Variants in CRADD observed in about 807,000 individuals in gnomAD.
CRADD encodes death domain-containing protein CRADD.
CRADD carries 9 observed loss-of-function variants against 15.5 expected under a neutral mutation model. The observed-to-expected ratio is 0.58, with a 90% CI of 0.35 to 1.01. CRADD has a LOEUF of 1.01. Among genes scored for constraint, CRADD ranks in the 50% least tolerant of loss-of-function variants. The pLI is 0.02. For synonymous variants in CRADD, 118 were observed against 107.6 expected (o/e 1.10, Z -0.60); for missense variants, 227 against 250.3 (o/e 0.91, Z 0.63).
In CRADD at chr12:93,722,473, C is replaced by A. The variant is rs181864057; in HGVS notation, c.298+43401C>A. ...TCTCCATCTAGTATTTCCACTATACCTATGTTAAACCTTGTATACTTGTCC... is the reference window on the plus strand; with the variant it reads ...TCTCCATCTAGTATTTCCACTATACATATGTTAAACCTTGTATACTTGTCC... On this transcript the variant is annotated intron_variant, in intron 2 of 2. Coordinates refer to ENST00000332896, the MANE Select transcript of CRADD (RefSeq NM_003805.5). Among the ~76,000 whole-genome samples the A allele has an allele frequency of 8.4e-4, 128 of 151,784 alleles. 1 individual carries two copies. Among genetic ancestry groups the A allele is most frequent in the African/African-American group, 2.6e-3 (109 of 41,374 alleles).
intron 2 of CRADD, among the ~76,000 whole-genome samples, chr12:93,689,331 G>A (rs1955512549): frequency 6.6e-6 from 1 of 152,116 alleles, no homozygotes; most frequent in Non-Finnish European, 1.5e-5. Flanking sequence ...TGCTGTTATA[G>A]CTAGCTGTGG....
At chr12:93,709,056 G>A (rs1165916518) in intron 2 of CRADD, 3 of 152,254 alleles carry the variant, frequency 2.0e-5, no homozygotes, top group Non-Finnish European at 4.4e-5. Flanking sequence ...ATTTAGCAAA[G>A]TGGAGAATAG....
Position 93,850,013 on chromosome 12 carries a change from C to T in CRADD, c.342C>T (p.Ser114=), listed in dbSNP as rs184285624. The change falls in exon 3 of 3, where the codon TCC becomes TCT. Residue 114 remains serine, a synonymous_variant. Coordinates refer to ENST00000332896, the MANE Select transcript of CRADD (RefSeq NM_003805.5). The surrounding 1 kb of genome is among the most constrained non-coding windows in gnomAD (Gnocchi z 4.0). ...TCCCCTCGCACATCCTCAACAGCTC[C>T]CCATCAGACCGGCAGATTAACCAGC... ...TGIPSHILNS[S]PSDRQINQLA... The T allele has an allele frequency of 1.0e-4, 162 of 1,611,618 alleles. 2 individuals are homozygous for T. In the East Asian group the frequency reaches 3.5e-3, roughly 35 times the overall value.
chr12:93,840,126 CT>C (rs1240456859), intron 2 of CRADD, among the ~76,000 whole-genome samples: 3 of 152,192 alleles, frequency 2.0e-5, no homozygotes, highest in Non-Finnish European at 4.4e-5. Flanking sequence ...AAAGCCTCTT[CT>C]TTCCCCATTA....
At chr12:93,887,654 A>T (rs557790555) in intron 2 of CRADD, among the ~76,000 whole-genome samples, 331 of 152,236 alleles carry the variant, frequency 2.2e-3, no homozygotes, top group Non-Finnish European at 3.9e-3. Context: ...TAGCAAGCAC[A>T]CTCTTTCCTA....
intron 2 of CRADD, among the ~76,000 whole-genome samples, chr12:93,865,713 T>C (rs756199397): frequency 3.3e-5 from 5 of 152,252 alleles, no homozygotes; most frequent in Admixed American, 6.5e-5. Flanking sequence ...TCCTCCTGTA[T>C]ACTTTAAATC....
chr12:93,700,087 A>T (rs1955807996), intron 2 of CRADD, among the ~76,000 whole-genome samples: 1 of 152,110 alleles, frequency 6.6e-6, no homozygotes, highest in Admixed American at 6.5e-5. Flanking sequence ...GATGGAGGAG[A>T]CGCCAAGTAC....
chr12:93,853,992 T>C (rs1266549019), downstream of CRADD, among the ~76,000 whole-genome samples: 1 of 152,240 alleles, frequency 6.6e-6, no homozygotes, highest in African/African-American at 2.4e-5. Flanking sequence ...ACATTCATCA[T>C]ATGTTACAAT....
chr12:93,841,988 C>T (rs1329946152), intron 2 of CRADD, among the ~76,000 whole-genome samples: 5 of 152,118 alleles, frequency 3.3e-5, no homozygotes, highest in African/African-American at 4.8e-5. Context: ...ACCCAGTCAC[C>T]GTCGTAAATA....
chr12:93,753,763 C>G (rs571430715), intron 2 of CRADD, among the ~76,000 whole-genome samples: 1 of 152,372 alleles, frequency 6.6e-6, no homozygotes, highest in African/African-American at 2.4e-5. Context: ...TTGGGCAGCT[C>G]TGCCTCTGTG....
intron 2 of CRADD, among the ~76,000 whole-genome samples, chr12:93,834,135 C>CA (rs1207784574): frequency 2.0e-5 from 3 of 152,222 alleles, no homozygotes; most frequent in Non-Finnish European, 4.4e-5. Context: ...CCCTTACCCC[C>CA]ATGGGCCTGC....
At chr12:93,808,197 C>G (rs1957568154) in intron 2 of CRADD, among the ~76,000 whole-genome samples, 1 of 151,808 alleles carries the variant, frequency 6.6e-6, no homozygotes, top group South Asian at 2.1e-4. Context: ...ACAGCCTGTT[C>G]TCATGCTGCT....
chr12:93,853,656 A>AT (rs1446924918), downstream of CRADD, among the ~76,000 whole-genome samples: 1 of 152,058 alleles, frequency 6.6e-6, no homozygotes, highest in Non-Finnish European at 1.5e-5. Flanking sequence ...TTATTCTGAG[A>AT]TTTTATCTCT....
At chr12:93,890,012 T>C (rs139871020) in intron 2 of CRADD, among the ~76,000 whole-genome samples, 189 of 152,304 alleles carry the variant, frequency 1.2e-3, no homozygotes, top group African/African-American at 4.2e-3. Context: ...CCTCACCCCA[T>C]ACATACTCAG....
At chr12:93,695,922 G>C (rs1305238049) in intron 2 of CRADD, among the ~76,000 whole-genome samples, 1 of 152,024 alleles carries the variant, frequency 6.6e-6, no homozygotes, top group African/African-American at 2.4e-5. Flanking sequence ...AAATAAATGG[G>C]CAAAGGATGG....
chr12:93,832,912 G>A (rs1957926336), intron 2 of CRADD, among the ~76,000 whole-genome samples: 1 of 152,150 alleles, frequency 6.6e-6, no homozygotes, highest in Non-Finnish European at 1.5e-5. Context: ...GAGCATTTTG[G>A]TAAACAGACA....
At chr12:93,726,563 C>G (rs10859563) in intron 2 of CRADD, among the ~76,000 whole-genome samples, 62,191 of 151,942 alleles carry the variant, frequency 0.41, 13,186 homozygotes, top group East Asian at 0.56. Context: ...TAGTACTCTA[C>G]TTGGAGGGGT....
At chr12:93,687,242 A>G (rs1185212779) in intron 2 of CRADD, among the ~76,000 whole-genome samples, 1 of 152,210 alleles carries the variant, frequency 6.6e-6, no homozygotes, top group Non-Finnish European at 1.5e-5. Flanking sequence ...TTTCACTTTA[A>G]AACATGGATT....
At chr12:93,685,383 G>T (rs1955406523) in intron 2 of CRADD, among the ~76,000 whole-genome samples, 1 of 152,104 alleles carries the variant, frequency 6.6e-6, no homozygotes, top group African/African-American at 2.4e-5. Context: ...GGTGAATATG[G>T]TTAACAGGAA....
Sources: gnomAD v4.1 joint callset for allele counts (sites outside exome capture counted in the v4.1 genomes callset) on GRCh38, gnomAD v4.1.1 for gene constraint, Gnocchi (gnomAD v3.1) non-coding constraint, MANE v1.5 for transcripts, NCBI Gene and HGNC (gene_info 2026-07-23, HGNC 2026-07-21) for gene names.